The following PAPPA2 variants were observed in gnomAD, a reference collection of about 807,000 sequenced individuals.
The protein encoded by PAPPA2 is pappalysin 2.
In PAPPA2, 86 loss-of-function variants were observed where a neutral mutation model predicts 176.4. The observed-to-expected ratio is 0.49, with a 90% CI of 0.41 to 0.58. The LOEUF (loss-of-function observed/expected upper bound fraction) is 0.58, where lower values mean the gene tolerates loss of function less well. Ranked by LOEUF, PAPPA2 falls within the 20% of genes least tolerant of loss-of-function variation. The probability of loss-of-function intolerance (pLI) is 0.00; values close to 1 mark genes in which losing one functional copy is unlikely to be tolerated. For missense variants in PAPPA2, 2,073 were observed against 2,256.9 expected, an observed-to-expected ratio of 0.92 and a Z score of 1.65; for synonymous variants, 809 against 852.2, an observed-to-expected ratio of 0.95 and a Z score of 0.88.
At chr1:176,729,044 G>A (rs1488294552) in intron 12 of PAPPA2, among the ~76,000 whole-genome samples, 1 of 151,708 alleles carries the variant, frequency 6.6e-6, no homozygotes, top group African/African-American at 2.4e-5. Context: ...CAAGCATTTA[G>A]GTTTTTTTCT....
intron 3 of PAPPA2, among the ~76,000 whole-genome samples, chr1:176,649,615 T>C (rs1657600115): frequency 6.6e-6 from 1 of 151,546 alleles, no homozygotes; most frequent in Admixed American, 6.6e-5. Flanking sequence ...TTTTCATTTG[T>C]TTTAAGAAAT....
At chr1:176,722,170 A>G (rs1661653325) in intron 12 of PAPPA2, among the ~76,000 whole-genome samples, 1 of 152,138 alleles carries the variant, frequency 6.6e-6, no homozygotes, top group Non-Finnish European at 1.5e-5. Flanking sequence ...TCTGCATCTG[A>G]TAACACCAAT....
intron 19 of PAPPA2, among the ~76,000 whole-genome samples, chr1:176,792,813 A>G (rs936403162): frequency 6.6e-6 from 1 of 152,214 alleles, no homozygotes; most frequent in African/African-American, 2.4e-5. Flanking sequence ...TCAAATCTAT[A>G]GATGAGGAAA....
intron 3 of PAPPA2, among the ~76,000 whole-genome samples, chr1:176,624,058 G>C (rs975938688): frequency 2.0e-5 from 3 of 151,954 alleles, no homozygotes; most frequent in African/African-American, 7.3e-5. Context: ...CCAGGCTAAA[G>C]CTGCATTTCC....
intron 1 of PAPPA2, among the ~76,000 whole-genome samples, chr1:176,554,117 T>C (rs1240428693): frequency 6.6e-6 from 1 of 152,142 alleles, no homozygotes; most frequent in African/African-American, 2.4e-5. Context: ...CAGTGGATGC[T>C]ACATAAGGAA....
chr1:176,746,889 G>A (rs986389366), intron 14 of PAPPA2, among the ~76,000 whole-genome samples: 8 of 152,204 alleles, frequency 5.3e-5, no homozygotes, highest in Admixed American at 1.3e-4. Context: ...TATGTGTAGT[G>A]TGTGTGTTTG....
chr1:176,573,109 G>T (rs777651062), intron 2 of PAPPA2, among the ~76,000 whole-genome samples: 38 of 152,252 alleles, frequency 2.5e-4, no homozygotes, highest in Non-Finnish European at 4.9e-4. Context: ...CCAGGTCTCT[G>T]TGTCTCTTCC....
intron 1 of PAPPA2, among the ~76,000 whole-genome samples, chr1:176,474,205 C>T (rs376738599): frequency 6.6e-6 from 1 of 152,158 alleles, no homozygotes; most frequent in Non-Finnish European, 1.5e-5. Context: ...TTATTTTTTA[C>T]TTACTTTACA....
At chr1:176,519,609 T>C (rs1649104503) in intron 1 of PAPPA2, among the ~76,000 whole-genome samples, 2 of 152,150 alleles carry the variant, frequency 1.3e-5, no homozygotes, top group South Asian at 4.1e-4. Context: ...TAATATTATA[T>C]ATGCATTGTC....
chr1:176,472,875 T>G (rs1267954454), intron 1 of PAPPA2, among the ~76,000 whole-genome samples: 1 of 152,176 alleles, frequency 6.6e-6, no homozygotes, highest in Non-Finnish European at 1.5e-5. Context: ...AACTTTATTT[T>G]CTAGAGGTAT....
intron 1 of PAPPA2, among the ~76,000 whole-genome samples, chr1:176,542,774 G>A (rs1311108446): frequency 6.6e-6 from 1 of 152,154 alleles, no homozygotes; most frequent in African/African-American, 2.4e-5. Context: ...ATTTAGGAAG[G>A]GTAAAATGTC....
At chr1:176,658,002 T>TA in intron 3 of PAPPA2, among the ~76,000 whole-genome samples, 1 of 152,108 alleles carries the variant, frequency 6.6e-6, no homozygotes, top group African/African-American at 2.4e-5. Flanking sequence ...CACTTGATAA[T>TA]ATGTAAGATG....
chr1:176,714,092 G>A (rs1036045604), intron 12 of PAPPA2, among the ~76,000 whole-genome samples: 3 of 152,092 alleles, frequency 2.0e-5, no homozygotes, highest in South Asian at 2.1e-4. Context: ...GAGACAAGAG[G>A]AAAGCTTGGC....
At chr1:176,828,007 G>A (rs560726370) in intron 21 of PAPPA2, among the ~76,000 whole-genome samples, 1 of 152,038 alleles carries the variant, frequency 6.6e-6, no homozygotes, top group East Asian at 1.9e-4. Context: ...CATAGTTTCA[G>A]TGAGAGGTTA....
intron 12 of PAPPA2, among the ~76,000 whole-genome samples, chr1:176,730,339 AT>A (rs1558547836): frequency 6.6e-6 from 1 of 151,724 alleles, no homozygotes; most frequent in African/African-American, 2.4e-5. Context: ...CCAATTTTGA[AT>A]TTTTTGTTAT....
At chr1:176,702,772 TGTGTGAGAGAGAGA>T in intron 9 of PAPPA2, 37 bp downstream of exon 9, 1 of 1,553,858 alleles carries the variant, frequency 6.4e-7, no homozygotes, top group Non-Finnish European at 8.7e-7. Context: ...TGTGTGTGTG[TGTGTGAGAGAGAGA>T]GAGAGAGAGA....
intron 4 of PAPPA2, among the ~76,000 whole-genome samples, chr1:176,683,260 CTTA>C (rs910388270): frequency 6.6e-6 from 1 of 152,064 alleles, no homozygotes; most frequent in Non-Finnish European, 1.5e-5. Context: ...CAACAATTCT[CTTA>C]TTGTTTTGGC....
chr1:176,546,621 A>G (rs758944066), intron 1 of PAPPA2, among the ~76,000 whole-genome samples: 3 of 152,242 alleles, frequency 2.0e-5, no homozygotes, highest in Non-Finnish European at 2.9e-5. Context: ...CAGTAGCAAT[A>G]ATTATTGCAA....
intron 14 of PAPPA2, among the ~76,000 whole-genome samples, chr1:176,754,308 A>G (rs1245497439): frequency 6.6e-6 from 1 of 152,184 alleles, no homozygotes; most frequent in Non-Finnish European, 1.5e-5. Context: ...CTCCCTAGTG[A>G]CTTATCATAG....
Sources: gnomAD v4.1 joint callset for allele counts (sites outside exome capture counted in the v4.1 genomes callset) on GRCh38, gnomAD v4.1.1 for gene constraint, MANE v1.5 for transcripts, NCBI Gene and HGNC (gene_info 2026-07-23, HGNC 2026-07-21) for gene names.